Variants in NRCAM observed in about 807,000 individuals in gnomAD.
The protein encoded by NRCAM is NgCAM-related cell adhesion molecule.
Under a neutral mutation model 156.5 loss-of-function variants are expected in NRCAM, and 83 were observed. That is an observed-to-expected ratio of 0.53 (90% CI 0.44 to 0.64). NRCAM has a LOEUF of 0.64. NRCAM is among the 30% of genes least tolerant of loss of function. The pLI is 0.00. For missense variants in NRCAM, 1,417 were observed against 1,597.3 expected (o/e 0.89, Z 1.92); for synonymous variants, 538 against 563.9 (o/e 0.95, Z 0.65).
At chr7:108,182,547 C>T in intron 23 of NRCAM, 148 bp downstream of exon 23, 1 of 670,202 alleles carries the variant, frequency 1.5e-6, no homozygotes, top group Non-Finnish European at 2.6e-6. Flanking sequence ...ACTTCTCTTT[C>T]TTACACAGCA....
chr7:108,178,727 C>T lies in NRCAM; in HGVS notation c.2852-615G>A, dbSNP rs543012103. On this transcript the variant is annotated intron_variant, in intron 25 of 32. Transcript: ENST00000379028. ...TCTGTGGCAGAGGCTGGCAAATCAC[C>T]AGAGGAAACATGTCTGCTCATCTTT... Among the ~76,000 whole-genome samples the T allele has an allele frequency of 3.3e-5, 5 of 152,300 alleles. No individual in the cohort carries two copies. The South Asian group carries it at 1.0e-3, about 32-fold the overall frequency.
intron 3 of NRCAM, among the ~76,000 whole-genome samples, chr7:108,272,109 G>C (rs930310124): frequency 6.6e-6 from 1 of 152,158 alleles, no homozygotes; most frequent in Non-Finnish European, 1.5e-5. Context: ...AATCATCTCA[G>C]AACAGAGTAA....
intron 3 of NRCAM, among the ~76,000 whole-genome samples, chr7:108,306,250 A>C (rs1400179676): frequency 1.3e-5 from 2 of 152,340 alleles, no homozygotes; most frequent in East Asian, 3.9e-4. Context: ...AGAGCAATAA[A>C]TATTGTAGAC....
At chr7:108,162,286 A>G (rs964601575) in intron 30 of NRCAM, among the ~76,000 whole-genome samples, 1 of 152,240 alleles carries the variant, frequency 6.6e-6, no homozygotes, top group African/African-American at 2.4e-5. Flanking sequence ...TGCTATAGGC[A>G]CTTCCTATTC....
chr7:108,326,016 G>C (rs2099064983), intron 2 of NRCAM, among the ~76,000 whole-genome samples: 1 of 152,042 alleles, frequency 6.6e-6, no homozygotes, highest in Non-Finnish European at 1.5e-5. Flanking sequence ...TAAATCTTTA[G>C]AATATTTTAT....
intron 32 of NRCAM, among the ~76,000 whole-genome samples, chr7:108,152,005 C>G (rs977969819): frequency 3.3e-5 from 5 of 152,088 alleles, no homozygotes; most frequent in African/African-American, 1.2e-4. Context: ...AGTGACTACT[C>G]TAAGATAGAT....
intron 28 of NRCAM, among the ~76,000 whole-genome samples, chr7:108,172,325 C>T (rs2058761248): frequency 6.6e-6 from 1 of 152,148 alleles, no homozygotes; most frequent in Admixed American, 6.5e-5. Context: ...GTCGCCCAGG[C>T]TGGGGTGCAG....
chr7:108,169,256 A>T (rs1245904857), intron 28 of NRCAM, among the ~76,000 whole-genome samples: 1 of 152,216 alleles, frequency 6.6e-6, no homozygotes, highest in African/African-American at 2.4e-5. Flanking sequence ...TAAAGTCATT[A>T]AAAAATGTTA....
intron 32 of NRCAM, chr7:108,150,582 T>C: frequency 2.2e-6 from 1 of 457,756 alleles, no homozygotes; most frequent in Non-Finnish European, 4.4e-6. Flanking sequence ...AGCATGATTT[T>C]GGTTAAGTGT....
At chr7:108,201,054 C>A (rs1229236912) in intron 13 of NRCAM, among the ~76,000 whole-genome samples, 1 of 151,660 alleles carries the variant, frequency 6.6e-6, no homozygotes, top group Non-Finnish European at 1.5e-5. Flanking sequence ...CTCGGGTGGC[C>A]GGTGCACCAA....
intron 1 of NRCAM, among the ~76,000 whole-genome samples, chr7:108,437,709 C>CA (rs1054088546): frequency 6.6e-5 from 10 of 151,112 alleles, no homozygotes; most frequent in East Asian, 1.9e-4. Flanking sequence ...AAACAAAGCA[C>CA]AAAAAAAACA....
chr7:108,346,137 G>T (rs2099352381), intron 2 of NRCAM, among the ~76,000 whole-genome samples: 1 of 152,306 alleles, frequency 6.6e-6, no homozygotes, highest in Non-Finnish European at 1.5e-5. Flanking sequence ...GTGGCGAGGA[G>T]ACAATGACTG....
intron 11 of NRCAM, among the ~76,000 whole-genome samples, chr7:108,217,609 T>C (rs2089988164): frequency 6.6e-6 from 1 of 152,218 alleles, no homozygotes; most frequent in South Asian, 2.1e-4. Context: ...CTTTCAGTGA[T>C]GCCCTGCCCA....
chr7:108,198,773 T>C (rs1208497407), intron 13 of NRCAM, among the ~76,000 whole-genome samples: 2 of 152,248 alleles, frequency 1.3e-5, no homozygotes, highest in Non-Finnish European at 2.9e-5. Flanking sequence ...GCTGTGGATA[T>C]TCTTGAAGCT....
At chr7:108,275,332 C>T (rs1031440851) in intron 3 of NRCAM, among the ~76,000 whole-genome samples, 2 of 152,170 alleles carry the variant, frequency 1.3e-5, no homozygotes, top group African/African-American at 2.4e-5. Flanking sequence ...CCTCTTTGTA[C>T]TTCTGGTAGA....
intron 1 of NRCAM, among the ~76,000 whole-genome samples, chr7:108,422,203 T>C (rs1810900859): frequency 6.6e-6 from 1 of 152,184 alleles, no homozygotes; most frequent in Non-Finnish European, 1.5e-5. Flanking sequence ...CTACAATAAA[T>C]GTTTCAAATA....
Position 108,149,911 on chromosome 7 carries a change from T to G in NRCAM, c.3914A>C (p.Ter1305SerextTer42). 1 of 1,603,398 alleles carries G rather than the reference T, an allele frequency of 6.2e-7. No homozygotes were observed. The highest frequency in any genetic ancestry group is 8.5e-7 in the Non-Finnish European group (1 of 1,177,076). Residue 1305 changes from the stop codon to serine, a stop_lost, in exon 33 of 33, where the codon TAA becomes TCA. Transcript: ENST00000379028. Reference sequence around the variant, plus strand: ...GAATATTGGCAAAGAGCTTAAAAATTAAACAAAGGAATTCATGGCGTTGAC... The same window carrying G: ...GAATATTGGCAAAGAGCTTAAAAATGAAACAAAGGAATTCATGGCGTTGAC... Reference protein sequence around the residue: ...SPVNAMNSFV* With the variant: ...SPVNAMNSFVS
At chr7:108,415,243 T>A (rs1019011859) in intron 1 of NRCAM, among the ~76,000 whole-genome samples, 1 of 152,124 alleles carries the variant, frequency 6.6e-6, no homozygotes, top group Non-Finnish European at 1.5e-5. Flanking sequence ...CAGGCCTGCC[T>A]GTGTGAGCAA....
chr7:108,365,088 G>A (rs1355294968), intron 2 of NRCAM, among the ~76,000 whole-genome samples: 1 of 152,166 alleles, frequency 6.6e-6, no homozygotes, highest in Admixed American at 6.5e-5. Context: ...GTGCTGGGGA[G>A]TATAATCTTT....
Sources: gnomAD v4.1 joint callset for allele counts (sites outside exome capture counted in the v4.1 genomes callset) on GRCh38, gnomAD v4.1.1 for gene constraint, MANE v1.5 for transcripts, NCBI Gene and HGNC (gene_info 2026-07-23, HGNC 2026-07-21) for gene names.